TG: variants seen among roughly 807,000 people sequenced by gnomAD.
The protein encoded by TG is thyroid hormones.
TG carries 270 observed loss-of-function variants against 324.7 expected under a neutral mutation model. That is an observed-to-expected ratio of 0.83 (90% CI 0.75 to 0.92). The LOEUF is 0.92. Among genes scored for constraint, TG ranks in the 40% least tolerant of loss-of-function variants. The pLI is 0.00. For missense variants in TG, 3,591 were observed against 3,456.4 expected (o/e 1.04, Z -0.98); for synonymous variants, 1,401 against 1,327.0 (o/e 1.06, Z -1.21).
intron 27 of TG, among the ~76,000 whole-genome samples, chr8:132,950,640 C>T (rs1400970978): frequency 6.6e-6 from 1 of 152,164 alleles, no homozygotes; most frequent in Non-Finnish European, 1.5e-5. Flanking sequence ...GCGCATTTGC[C>T]TGTCTGTGGA....
intron 3 of TG, among the ~76,000 whole-genome samples, chr8:132,870,727 A>G (rs1430336577): frequency 1.3e-5 from 2 of 152,082 alleles, no homozygotes; most frequent in Non-Finnish European, 2.9e-5. Context: ...CTCATGGTAC[A>G]AGGGGAAGAG....
At chr8:132,977,773 T>C (rs937435698) in intron 34 of TG, among the ~76,000 whole-genome samples, 1 of 152,122 alleles carries the variant, frequency 6.6e-6, no homozygotes, top group Non-Finnish European at 1.5e-5. Flanking sequence ...CACATGGGAA[T>C]CATGGGAGCT....
At chr8:133,054,829 C>T (rs757370993) in intron 41 of TG, among the ~76,000 whole-genome samples, 32 of 152,162 alleles carry the variant, frequency 2.1e-4, no homozygotes, top group Admixed American at 5.2e-4. Context: ...GCAGGCCTTA[C>T]GGGACTTAGT....
chr8:133,130,523 G>T (rs538058515), intron 45 of TG, among the ~76,000 whole-genome samples: 1 of 152,116 alleles, frequency 6.6e-6, no homozygotes, highest in Non-Finnish European at 1.5e-5. Flanking sequence ...AGTTCTGATC[G>T]GCAGCCTCTA....
At chr8:133,077,984 C>T (rs1022950588) in intron 41 of TG, among the ~76,000 whole-genome samples, 3 of 152,168 alleles carry the variant, frequency 2.0e-5, no homozygotes, top group African/African-American at 7.2e-5. Flanking sequence ...CAAAATAAGA[C>T]ACGTGTGAAG....
intron 32 of TG, among the ~76,000 whole-genome samples, chr8:132,970,413 A>G (rs1274593535): frequency 6.6e-6 from 1 of 152,086 alleles, no homozygotes; most frequent in African/African-American, 2.4e-5. Flanking sequence ...CTTGGGTCCT[A>G]TTTCAAACCT....
In TG at chr8:132,948,868, A is replaced by G. The variant is rs778346770; in HGVS notation, c.5326A>G (p.Thr1776Ala). 1.2e-5 allele frequency: 20 copies of G among 1,614,020 alleles called. No homozygotes were observed. The Admixed American group carries it at 3.3e-4, about 27-fold the overall frequency. Residue 1776 changes from threonine to alanine, a missense_variant, in exon 27 of 48, where the codon ACA (threonine) becomes GCA (alanine). Physicochemically the swap from Thr to Ala is moderately conservative, Grantham distance 58. Transcript: ENST00000220616. ...TCCCTCTGAAGCCTGGGCTAATGCTACATGTCCTGGTGTGACATATGACCA... is the reference window on the plus strand; with the variant it reads ...TCCCTCTGAAGCCTGGGCTAATGCTGCATGTCCTGGTGTGACATATGACCA... ...MDPSEAWANA[T>A]CPGVTYDQES... is the part of the protein sequence containing the mutation.
chr8:133,034,580 A>G (rs1836908844), intron 41 of TG, among the ~76,000 whole-genome samples: 1 of 151,826 alleles, frequency 6.6e-6, no homozygotes, highest in African/African-American at 2.4e-5. Context: ...ATACCTATTG[A>G]AGCAAAATGC....
At chr8:132,893,298 G>C (rs548091310) in intron 10 of TG, among the ~76,000 whole-genome samples, 17 of 117,164 alleles carry the variant, frequency 1.5e-4, no homozygotes, top group Admixed American at 1.2e-3. Flanking sequence ...GTATGTGTAC[G>C]TGTGGTGTAT....
chr8:133,102,738 T>C, intron 43 of TG: 3 of 638,060 alleles, frequency 4.7e-6, no homozygotes, highest in Non-Finnish European at 8.4e-6. Context: ...TTCATTTGCA[T>C]GATCAAAAGC....
At chr8:133,040,716 A>G (rs1020027628) in intron 41 of TG, among the ~76,000 whole-genome samples, 2 of 152,142 alleles carry the variant, frequency 1.3e-5, no homozygotes, top group Non-Finnish European at 2.9e-5. Context: ...AAAGAGGGCG[A>G]GGAGGAAAAG....
chr8:132,957,878 G>T (rs758748602), intron 27 of TG, among the ~76,000 whole-genome samples: 1 of 152,024 alleles, frequency 6.6e-6, no homozygotes, highest in Non-Finnish European at 1.5e-5. Context: ...AGATTTTGGT[G>T]CACCCATCAT....
At chr8:133,103,931 A>G (rs1849562160) in intron 43 of TG, among the ~76,000 whole-genome samples, 1 of 152,250 alleles carries the variant, frequency 6.6e-6, no homozygotes, top group Admixed American at 6.5e-5. Context: ...AAAGAATTTC[A>G]GATCTTAGAA....
Position 132,893,962 on chromosome 8 carries a change from A to G in TG, c.3001+33A>G, listed in dbSNP as rs1452809307. ...TGGTGCCCTTCAGCTTTCTTACTGC[A>G]TCGCTTTGGAAAAGCAGGAGCTTAA... On this transcript the variant is annotated intron_variant, in intron 11 of 47. Coordinates refer to ENST00000220616, the MANE Select transcript of TG (RefSeq NM_003235.5). 3.1e-6 allele frequency: 5 copies of G among 1,613,954 alleles called. No individual in the cohort carries two copies. The East Asian group carries it at 6.7e-5, about 22-fold the overall frequency.
chr8:133,047,420 GTTCTCTCCATTTCACAGAT>G, intron 41 of TG: 1 of 195,708 alleles, frequency 5.1e-6, no homozygotes, highest in Non-Finnish European at 1.1e-5. Flanking sequence ...AGGGAGAGGT[GTTCTCTCCATTTCACAGAT>G]GAGAAAACTG....
rs181446173 is a variant in TG, at chr8:132,923,657, G to A, written c.4699+149G>A. 73 of 913,706 alleles carry A rather than the reference G, an allele frequency of 8.0e-5. No homozygotes were observed. The African/African-American group carries it at 9.1e-4, about 11-fold the overall frequency. 56.6% of individuals were successfully genotyped at this position (913,706 alleles called of 1,614,324 possible). On this transcript the variant is annotated intron_variant, in intron 22 of 47. Transcript: ENST00000220616. ...AATCTGTGTAGAAGTTGGAAGAACCGCAAAATGAACAAATACCCATCACCT... is the reference window on the plus strand; with the variant it reads ...AATCTGTGTAGAAGTTGGAAGAACCACAAAATGAACAAATACCCATCACCT...
chr8:132,882,546 A>T lies in TG; in HGVS notation c.823A>T (p.Thr275Ser). ...CCTTCCTTCCACCTTCACTGAAACC[A>T]CCCTGTACCGGATACTGCAGAGACG... ...LDLPSTFTET[T>S]LYRILQRRFL... The change falls in exon 7 of 48, where the codon ACC becomes TCC. Residue 275 changes from threonine (T) to serine (S), a missense_variant. Physicochemically the swap from Thr to Ser is moderately conservative, Grantham distance 58. Transcript: ENST00000220616. 1 of 1,614,130 alleles carries T rather than the reference A, an allele frequency of 6.2e-7. No homozygotes were observed.
At chr8:133,005,804 C>T (rs574637828) in intron 35 of TG, among the ~76,000 whole-genome samples, 9 of 152,218 alleles carry the variant, frequency 5.9e-5, no homozygotes, top group African/African-American at 1.7e-4. Context: ...GTTGGCTCCC[C>T]GGGAGGTGTG....
intron 27 of TG, 121 bp from the exon 28 acceptor site, chr8:132,960,887 G>C (rs920169416): frequency 2.0e-6 from 2 of 1,011,522 alleles, no homozygotes; most frequent in Non-Finnish European, 3.2e-6. Flanking sequence ...ATCTTACGTG[G>C]GAAACAGAGT....
Sources: gnomAD v4.1 joint callset for allele counts (sites outside exome capture counted in the v4.1 genomes callset) on GRCh38, gnomAD v4.1.1 for gene constraint, MANE v1.5 for transcripts, NCBI Gene and HGNC (gene_info 2026-07-23, HGNC 2026-07-21) for gene names.